Variants in BAZ1B observed in about 807,000 individuals in gnomAD.
BAZ1B encodes tyrosine-protein kinase BAZ1B.
In BAZ1B, 22 loss-of-function variants were observed where a neutral mutation model predicts 153.8. The observed-to-expected ratio is 0.14, with a 90% confidence interval of 0.10 to 0.20. BAZ1B has a LOEUF of 0.20. Among genes scored for constraint, BAZ1B ranks in the 10% least tolerant of loss-of-function variants. The pLI, the probability that BAZ1B is intolerant of heterozygous loss-of-function variation, is 1.00. For synonymous variants in BAZ1B, 676 were observed against 633.4 expected (o/e 1.07, Z -1.01); for missense variants, 1,325 against 1,799.3 (o/e 0.74, Z 4.77).
intron 5 of BAZ1B, among the ~76,000 whole-genome samples, chr7:73,491,609 A>G (rs1789646688): frequency 6.6e-6 from 1 of 152,120 alleles, no homozygotes; most frequent in Non-Finnish European, 1.5e-5. Context: ...CAAAAAAAGA[A>G]AAGAAAAGAA....
In BAZ1B at chr7:73,441,952, C is replaced by T. The variant is rs1787634485; in HGVS notation, c.*15+229G>A. The T allele has an allele frequency of 5.7e-6, 3 of 530,000 alleles. No homozygotes were observed. In the South Asian group the frequency reaches 8.4e-5, roughly 15 times the overall value. 32.8% of individuals were successfully genotyped at this position (530,000 alleles called of 1,614,324 possible). A position where few individuals can be genotyped will look rare whatever the true frequency, so the allele number is the denominator to read the frequency against. On this transcript the variant is annotated intron_variant, in intron 19 of 19. Transcript: ENST00000339594. The stretch of plus-strand genomic sequence containing the variant: ...CCAGAAAAGCTAGACCCTCGGACTC[C>T]TCCTGGAAACTCTCAGAAGGGAGGG...
chr7:73,482,100 C>T (rs1554573778), intron 6 of BAZ1B, among the ~76,000 whole-genome samples: 1 of 152,120 alleles, frequency 6.6e-6, no homozygotes, highest in East Asian at 1.9e-4. Flanking sequence ...CTCCAATAAC[C>T]ATCCTTAGAA....
chr7:73,442,079 C>G, intron 19 of BAZ1B, 102 bp downstream of exon 19: 1 of 813,308 alleles, frequency 1.2e-6, no homozygotes, highest in Non-Finnish European at 2.0e-6. Flanking sequence ...CTTGGGATGA[C>G]AGGCGTTTCT....
At chr7:73,491,868 C>G (rs1437192486) in intron 5 of BAZ1B, among the ~76,000 whole-genome samples, 1 of 152,166 alleles carries the variant, frequency 6.6e-6, no homozygotes, top group South Asian at 2.1e-4. Context: ...TGTGCATTGC[C>G]TTCCACACCC....
chr7:73,465,154 T>G lies in BAZ1B; in HGVS notation c.3071+285A>C, dbSNP rs568626081. 2.6e-5 allele frequency among the ~76,000 whole-genome samples: 4 copies of G among 152,278 alleles called. No individual in the cohort carries two copies. The South Asian group carries it at 8.3e-4, about 32-fold the overall frequency. ...TTCTGGACACCCACCCATCTGGGCC[T>G]CCATCTGCAAAGCTGTCTGACAACC... On this transcript the variant is annotated intron_variant, in intron 11 of 19. Transcript: ENST00000339594.
Position 73,444,095 on chromosome 7 carries a change from G to A in BAZ1B, c.3879C>T (p.Ser1293=), listed in dbSNP as rs782410585. ...CTGACCTTGCTGCAGGGGGGATGAC[G>A]CTGTGCTTGCCCCGGATGGTCTTTC... is the stretch of plus-strand genomic sequence containing the variant. ...RPRKTIRGKH[S]VIPPAARSGR... is the part of the protein sequence containing the mutation. The change falls in exon 17 of 20, where the codon AGC becomes AGT. Residue 1293 remains serine, a synonymous_variant. Transcript: ENST00000339594. 6.2e-6 allele frequency: 10 copies of A among 1,610,398 alleles called. No individual in the cohort carries two copies. The highest frequency in any genetic ancestry group is 1.7e-5 in the Admixed American group (1 of 59,024).
At chr7:73,489,562 C>A (rs1789551475) in intron 5 of BAZ1B, among the ~76,000 whole-genome samples, 171 bp from the exon 6 acceptor site, 1 of 152,158 alleles carries the variant, frequency 6.6e-6, no homozygotes, top group African/African-American at 2.4e-5. Flanking sequence ...CACTTGTAAT[C>A]TCATCAACTC....
intron 13 of BAZ1B, among the ~76,000 whole-genome samples, chr7:73,454,682 T>C (rs1378899568): frequency 1.3e-5 from 2 of 152,198 alleles, no homozygotes; most frequent in African/African-American, 4.8e-5. Flanking sequence ...GATCCACTCC[T>C]ACACATTCTT....
chr7:73,489,127 T>C, intron 6 of BAZ1B, 67 bp downstream of exon 6: 4 of 1,479,414 alleles, frequency 2.7e-6, no homozygotes, highest in Non-Finnish European at 3.7e-6. Flanking sequence ...TAAATATAAA[T>C]ATACTGGAGC....
At chr7:73,474,863 A>G (rs1264463232) in intron 7 of BAZ1B, among the ~76,000 whole-genome samples, 6 of 152,256 alleles carry the variant, frequency 3.9e-5, no homozygotes, top group African/African-American at 1.4e-4. Context: ...TCTAGAATAT[A>G]TACAGAACTC....
intron 12 of BAZ1B, among the ~76,000 whole-genome samples, chr7:73,461,463 C>T (rs1247853484): frequency 6.6e-6 from 1 of 152,060 alleles, no homozygotes; most frequent in Admixed American, 6.5e-5. Context: ...CTGAATTTGG[C>T]ACAAAGTAGG....
At position 73,442,237 on chromosome 7, in the gene BAZ1B, C is replaced by G. The variant is rs781900697; in HGVS notation, c.4411G>C (p.Glu1471Gln). ...LAEDEGDSEP[E>Q]AVGQSRGRRQ... ...CGTCCCCTGGACTGTCCAACGGCCT[C>G]TGGCTCACTGTCCCCTTCATCTTCA... The change falls in exon 19 of 20, where the codon GAG (glutamate) becomes CAG (glutamine). Residue 1471 changes from glutamate (E) to glutamine (Q), a missense_variant. By Grantham distance (29) the Glu-to-Gln change is conservative. This residue lies in a region of BAZ1B where 271 missense variants were observed against 337.2 expected (regional missense o/e 0.80). Transcript: ENST00000339594. The G allele has an allele frequency of 5.6e-6, 9 of 1,613,600 alleles. No individual in the cohort carries two copies. Among genetic ancestry groups the G allele is most frequent in the East Asian group, 2.2e-5 (1 of 44,844 alleles).
chr7:73,499,977 T>C (rs1236271629), intron 3 of BAZ1B, among the ~76,000 whole-genome samples: 4 of 152,180 alleles, frequency 2.6e-5, no homozygotes, highest in Non-Finnish European at 5.9e-5. Context: ...GTATTTCTAC[T>C]GTTCTGTTAT....
In BAZ1B at chr7:73,442,319, G is replaced by T; in HGVS notation, c.4329C>A (p.His1443Gln). The T allele has an allele frequency of 6.2e-7, 1 of 1,614,200 alleles. No individual in the cohort carries two copies. The highest frequency in any genetic ancestry group is 8.5e-7 in the Non-Finnish European group (1 of 1,180,042). ...EQCLVALLHKHLPGHPYVRRK... is the reference protein window; with the variant it reads ...EQCLVALLHKQLPGHPYVRRK... ...TGCGGACATATGGGTGGCCAGGAAG[G>T]TGTTTATGCAACAGAGCCACTAGAC... The change falls in exon 19 of 20, where the codon CAC (histidine) becomes CAA (glutamine). Residue 1443 changes from histidine (H) to glutamine (Q), a missense_variant. This residue lies in a region of BAZ1B where 271 missense variants were observed against 337.2 expected (regional missense o/e 0.80). Transcript: ENST00000339594.
At chr7:73,501,362 T>C (rs1332190617) in intron 3 of BAZ1B, among the ~76,000 whole-genome samples, 1 of 152,174 alleles carries the variant, frequency 6.6e-6, no homozygotes, top group African/African-American at 2.4e-5. Context: ...GATACTACCA[T>C]TCCCACCATC....
In BAZ1B at chr7:73,498,635, C is replaced by T. The variant is rs1554576684; in HGVS notation, c.433G>A (p.Glu145Lys). ...TCAGATTTCTTCTCAGTGGCCTCTT[C>T]ATCCACTTTCTCCAAAGGATGAATC... The part of the protein sequence containing the change: ...VKIHPLEKVD[E>K]EATEKKSDGA... Residue 145 changes from glutamate to lysine, a missense_variant, in exon 4 of 20, where the codon GAA (glutamate) becomes AAA (lysine). Physicochemically the swap from Glu to Lys is moderately conservative, Grantham distance 56. Around this residue, in one of 9 missense-constraint regions of BAZ1B, gnomAD observed 153 missense variants for 204.8 expected, o/e 0.75. Transcript: ENST00000339594. The T allele has an allele frequency of 6.2e-7, 1 of 1,614,144 alleles. No individual in the cohort carries two copies.
intron 4 of BAZ1B, among the ~76,000 whole-genome samples, chr7:73,495,308 T>C (rs1434644779): frequency 1.3e-5 from 2 of 152,018 alleles, no homozygotes; most frequent in Non-Finnish European, 2.9e-5. Context: ...AATAAATAAA[T>C]TGCATATAGG....
intron 16 of BAZ1B, among the ~76,000 whole-genome samples, chr7:73,446,074 G>C (rs1230499163): frequency 6.6e-6 from 1 of 152,170 alleles, no homozygotes; most frequent in Non-Finnish European, 1.5e-5. Context: ...TGAAGTATGG[G>C]GGGGAAAGTG....
In BAZ1B at chr7:73,459,655, T is replaced by C. The variant is rs782170318; in HGVS notation, c.3313A>G (p.Ile1105Val). Residue 1105 changes from isoleucine (I) to valine (V), a missense_variant, in exon 13 of 20, where the codon ATA becomes GTA. Transcript: ENST00000339594. ...ATGAAGCCTTGGAGAAATTTCTTTA[T>C]GACACTGGCCTGAAGGGCAATCACA... ...ECVIALQASV[I>V]KKFLQGFMAP... 4.3e-6 allele frequency: 7 copies of C among 1,614,020 alleles called. No homozygotes were observed. The highest frequency in any genetic ancestry group is 4.5e-5 in the East Asian group (2 of 44,882).
Sources: allele counts gnomAD v4.1 joint callset (sites outside exome capture counted in the v4.1 genomes callset), GRCh38; gene constraint gnomAD v4.1.1; regional missense constraint gnomAD v4.1.1; transcripts MANE v1.5; gene names NCBI Gene and HGNC (gene_info 2026-07-23, HGNC 2026-07-21).